Variants in NIPAL3 observed in about 807,000 individuals in gnomAD.
NIPAL3 encodes the protein NIPA-like protein 3.
In NIPAL3, 41 loss-of-function variants were observed where a neutral mutation model predicts 47.2. The observed-to-expected ratio is 0.87, with a 90% CI of 0.68 to 1.13. The LOEUF is 1.13. Among genes scored for constraint, NIPAL3 ranks in the 50% most tolerant of loss-of-function variants. The pLI, the probability that NIPAL3 is intolerant of heterozygous loss-of-function variation, is 0.00. For synonymous variants in NIPAL3, 194 were observed against 209.6 expected, an observed-to-expected ratio of 0.93 and a Z score of 0.64; for missense variants, 449 against 530.1, an observed-to-expected ratio of 0.85 and a Z score of 1.50.
At position 24,429,043 on chromosome 1, in the gene NIPAL3, G is replaced by A. The variant is rs147993512; in HGVS notation, c.93+9403G>A. On this transcript the variant is annotated intron_variant, in intron 2 of 11. Transcript: ENST00000374399. ...TGAGGCCATCTCATCTTGGTCTCTT[G>A]CGGTAAAAATAAAATAGCAGCTACC... 3.6e-3 allele frequency among the ~76,000 whole-genome samples: 541 copies of A among 152,244 alleles called. 2 individuals carry two copies. Among genetic ancestry groups the A allele is most frequent in the African/African-American group, 0.012 (500 of 41,528 alleles).
chr1:24,464,738 G>C (rs1646626130), intron 11 of NIPAL3: 2 of 152,156 alleles, frequency 1.3e-5, no homozygotes, highest in South Asian at 4.2e-4. Flanking sequence ...ACCAACCTCA[G>C]ATTTGCTGAC....
chr1:24,454,191 TA>T lies in NIPAL3; in HGVS notation c.637+688del, dbSNP rs1646082674. 25 of 1,206,236 alleles carry T rather than the reference TA, an allele frequency of 2.1e-5. No individual in the cohort carries two copies. Among genetic ancestry groups the T allele is most frequent in the Admixed American group, 3.5e-5 (1 of 28,628 alleles). The allele number at this position is 1,206,236 out of a possible 1,614,324, so 74.7% of individuals were successfully genotyped here. A position where few individuals can be genotyped will look rare whatever the true frequency, so the allele number is the denominator to read the frequency against. ...ACAGGCATGAGGCCCTGTACCTGGCTAGAACTGCATATAATTTTATAGCTAA... is the reference window on the plus strand; with the variant it reads ...ACAGGCATGAGGCCCTGTACCTGGCTGAACTGCATATAATTTTATAGCTAA... On this transcript the variant is annotated intron_variant, in intron 7 of 11. Transcript: ENST00000374399. The surrounding 1 kb of genome is among the most constrained non-coding windows in gnomAD (Gnocchi z 4.1).
At chr1:24,428,944 T>C (rs2148771797) in intron 2 of NIPAL3, among the ~76,000 whole-genome samples, 1 of 152,210 alleles carries the variant, frequency 6.6e-6, no homozygotes, top group African/African-American at 2.4e-5. Context: ...ACTTCCATGG[T>C]AGTGAGTTAA....
chr1:24,456,197 G>A lies in NIPAL3; in HGVS notation c.697G>A (p.Gly233Arg). Residue 233 changes from glycine to arginine, a missense_variant, in exon 8 of 12, where the codon GGG becomes AGG. Gly to Arg is a moderately radical substitution (Grantham distance 125). Coordinates refer to ENST00000374399, the MANE Select transcript of NIPAL3 (RefSeq NM_020448.5). ...TGGGATGCTTGTCTTGTCCATTCAA[G>A]GGAACCTGCAGCTTGACTACCCCAT... ...VAGMLVLSIQ[G>R]NLQLDYPIFY... The A allele has an allele frequency of 6.2e-7, 1 of 1,614,204 alleles. No individual in the cohort carries two copies. Among genetic ancestry groups the A allele is most frequent in the Non-Finnish European group, 8.5e-7 (1 of 1,180,020 alleles).
intron 11 of NIPAL3, among the ~76,000 whole-genome samples, chr1:24,467,026 T>C (rs1646726787): frequency 6.6e-6 from 1 of 152,196 alleles, no homozygotes; most frequent in African/African-American, 2.4e-5. Context: ...GGTCTCTCAT[T>C]AGCTGTGTGA....
chr1:24,440,359 C>CAGT, intron 3 of NIPAL3, 119 bp downstream of exon 3: 1 of 656,022 alleles, frequency 1.5e-6, no homozygotes, highest in Non-Finnish European at 2.4e-6. Flanking sequence ...CCCTGGGCTG[C>CAGT]ACCTGGGACA....
rs968651127 is a variant in NIPAL3, at chr1:24,416,885, T to C, written c.-258+981T>C. 2 of 152,144 alleles carry C rather than the reference T, an allele frequency of 1.3e-5. No homozygotes were observed. Among genetic ancestry groups the C allele is most frequent in the Non-Finnish European group, 2.9e-5 (2 of 68,056 alleles). The allele number at this position is 152,144 out of a possible 1,614,324, so 9.4% of individuals were successfully genotyped here. A position where few individuals can be genotyped will look rare whatever the true frequency, so the allele number is the denominator to read the frequency against. ...GGAAGCTGCTTTTTAAAAGAAAAAT[T>C]AAACCACAGCAATGCCAACCACCAC... On this transcript the variant is annotated intron_variant, in intron 1 of 11. Transcript: ENST00000374399. The surrounding 1 kb of genome is among the most constrained non-coding windows in gnomAD (Gnocchi z 4.8).
chr1:24,458,659 G>A (rs1184607619), intron 8 of NIPAL3, among the ~76,000 whole-genome samples: 4 of 152,120 alleles, frequency 2.6e-5, no homozygotes, highest in Non-Finnish European at 4.4e-5. Flanking sequence ...GTTCAATTGG[G>A]AAATGGGGAT....
chr1:24,452,690 G>A (rs1645995148), intron 6 of NIPAL3, among the ~76,000 whole-genome samples: 1 of 151,870 alleles, frequency 6.6e-6, no homozygotes, highest in South Asian at 2.1e-4. Flanking sequence ...GGGAGCACAG[G>A]GAGTATATAC....
intron 2 of NIPAL3, among the ~76,000 whole-genome samples, chr1:24,439,172 T>C (rs565604458): frequency 2.6e-5 from 4 of 152,160 alleles, no homozygotes; most frequent in African/African-American, 9.6e-5. Context: ...ACCTGCCCAT[T>C]TACCCCGACT....
chr1:24,420,119 T>C (rs997044334), intron 2 of NIPAL3: 1 of 147,408 alleles, frequency 6.8e-6, no homozygotes, highest in African/African-American at 2.5e-5. Context: ...CTCATTAAAA[T>C]ACATAAAAAT....
chr1:24,432,883 C>T (rs1419812252), intron 2 of NIPAL3, among the ~76,000 whole-genome samples: 3 of 152,234 alleles, frequency 2.0e-5, no homozygotes, highest in Non-Finnish European at 4.4e-5. Flanking sequence ...TGAGCTCTCT[C>T]TAGTAAACCC....
chr1:24,439,561 A>G (rs1645280162), intron 2 of NIPAL3, among the ~76,000 whole-genome samples: 1 of 152,038 alleles, frequency 6.6e-6, no homozygotes, highest in South Asian at 2.1e-4. Flanking sequence ...TTTTTTTCTC[A>G]TGCTACCTTG....
intron 10 of NIPAL3, among the ~76,000 whole-genome samples, chr1:24,463,597 T>C (rs2148860029): frequency 6.6e-6 from 1 of 152,350 alleles, no homozygotes; most frequent in East Asian, 1.9e-4. Flanking sequence ...TACACCTACC[T>C]GGCCGAGTGA....
chr1:24,415,794 G>A, upstream of NIPAL3: 1 of 974,078 alleles, frequency 1.0e-6, no homozygotes, highest in African/African-American at 1.8e-5. Flanking sequence ...CAGCATCTTG[G>A]CAGCTCTGAA....
At chr1:24,456,397 C>T in intron 8 of NIPAL3, 124 bp downstream of exon 8, 1 of 1,342,622 alleles carries the variant, frequency 7.4e-7, no homozygotes, top group Non-Finnish European at 1.0e-6. Context: ...TGGCATCCAG[C>T]ATGGAGAGAG....
At chr1:24,425,395 A>G (rs1283250137) in intron 2 of NIPAL3, among the ~76,000 whole-genome samples, 4 of 152,164 alleles carry the variant, frequency 2.6e-5, no homozygotes, top group Admixed American at 6.5e-5. Flanking sequence ...TCTTCTTCCA[A>G]TGTGGCCCAG....
At chr1:24,447,762 C>T (rs1645739878) in intron 5 of NIPAL3, among the ~76,000 whole-genome samples, 2 of 152,320 alleles carry the variant, frequency 1.3e-5, no homozygotes, top group South Asian at 4.1e-4. Flanking sequence ...CCAAGCAGTG[C>T]CCTGTGTGAC....
At chr1:24,445,874 C>T (rs142785719) in intron 5 of NIPAL3, among the ~76,000 whole-genome samples, 56 of 152,268 alleles carry the variant, frequency 3.7e-4, no homozygotes, top group African/African-American at 1.2e-3. Flanking sequence ...AGATTAGCTC[C>T]ACCTAAGTTG....
Sources: gnomAD v4.1 joint callset for allele counts (sites outside exome capture counted in the v4.1 genomes callset) on GRCh38, gnomAD v4.1.1 for gene constraint, Gnocchi (gnomAD v3.1) non-coding constraint, MANE v1.5 for transcripts, NCBI Gene and HGNC (gene_info 2026-07-23, HGNC 2026-07-21) for gene names.